The following DOCK6 variants were observed in gnomAD, a reference collection of about 807,000 sequenced individuals.
DOCK6 encodes the protein dedicator of cytokinesis protein 6.
A neutral mutation model predicts 230.3 loss-of-function variants in DOCK6; 167 were observed. That is an observed-to-expected ratio of 0.73 (90% CI 0.64 to 0.82). The LOEUF (loss-of-function observed/expected upper bound fraction) is 0.82. DOCK6 is among the 40% of genes least tolerant of loss of function. The probability of loss-of-function intolerance (pLI) is 0.00; values close to 1 mark genes in which losing one functional copy is unlikely to be tolerated. For synonymous variants in DOCK6, 1,148 were observed against 1,185.0 expected (o/e 0.97, Z 0.64); for missense variants, 2,598 against 2,825.8 (o/e 0.92, Z 1.83).
At position 11,217,080 on chromosome 19, in the gene DOCK6, C is replaced by G. The variant is rs1487647536; in HGVS notation, c.3728G>C (p.Cys1243Ser). ...QGPPTASRAG[C>S]ALSAESSRTL... ...CCGGCTTGACTCAGCAGAGAGGGCA[C>G]AGCCTGCGCGAGAAGCCTGGGGCCA... Residue 1243 changes from cysteine to serine, a missense_variant, in exon 30 of 48, where the codon TGT (cysteine) becomes TCT (serine). Transcript: ENST00000294618. 6.2e-7 allele frequency: 1 copy of G among 1,612,650 alleles called. No homozygotes were observed. Among genetic ancestry groups the G allele is most frequent in the Non-Finnish European group, 8.5e-7 (1 of 1,179,518 alleles).
At chr19:11,241,748 G>A (rs2079948756) in intron 14 of DOCK6, 1 of 1,554,396 alleles carries the variant, frequency 6.4e-7, no homozygotes. Flanking sequence ...CGCCCCGTGA[G>A]GCCCCTGTGC....
chr19:11,262,318 G>A (rs2147908630), intron 1 of DOCK6, 79 bp downstream of exon 1: 4 of 999,296 alleles, frequency 4.0e-6, no homozygotes, highest in East Asian at 3.7e-5. Context: ...GGGGGCGCCC[G>A]GGCGGGGAGG....
chr19:11,217,885 TC>T (rs2079519519), intron 28 of DOCK6, among the ~76,000 whole-genome samples: 1 of 152,020 alleles, frequency 6.6e-6, no homozygotes, highest in South Asian at 2.1e-4. Flanking sequence ...GGAGTCTTGC[TC>T]TGTTGCCCCG....
intron 1 of DOCK6, among the ~76,000 whole-genome samples, chr19:11,256,084 G>A (rs894853023): frequency 7.9e-5 from 12 of 152,124 alleles, no homozygotes; most frequent in African/African-American, 2.7e-4. Flanking sequence ...CACCTTGCCC[G>A]GCCCCATTTT....
At position 11,238,301 on chromosome 19, in the gene DOCK6, G is replaced by T. The variant is rs763035223; in HGVS notation, c.1647C>A (p.Asn549Lys). The T allele has an allele frequency of 5.0e-6, 8 of 1,604,544 alleles. No individual in the cohort carries two copies. The highest frequency in any genetic ancestry group is 6.8e-6 in the Non-Finnish European group (8 of 1,175,816). The change falls in exon 15 of 48, where the codon AAC becomes AAA. Residue 549 changes from asparagine to lysine, a missense_variant. Coordinates refer to ENST00000294618, the MANE Select transcript of DOCK6 (RefSeq NM_020812.4). ...GGCTGTGCGGGTACACGTACAGCAGGTTCCTGTGGGGGGCAGGATGGGGGT... is the reference window on the plus strand; with the variant it reads ...GGCTGTGCGGGTACACGTACAGCAGTTTCCTGTGGGGGGCAGGATGGGGGT... ...EVYAPHTSYR[N>K]LLYVYPHSLN... is the part of the protein sequence containing the mutation.
chr19:11,243,437 A>C lies in DOCK6; in HGVS notation c.1259-52T>G. The C allele has an allele frequency of 6.3e-7, 1 of 1,577,204 alleles. No homozygotes were observed. ...AGGGGGACCAAGATGAAACAGGGAG[A>C]CTCAGGGGCGGCACAGTTCGGCCAG... On this transcript the variant is annotated intron_variant, in intron 11 of 47. Coordinates refer to ENST00000294618, the MANE Select transcript of DOCK6 (RefSeq NM_020812.4). The surrounding 1 kb of genome is among the most constrained non-coding windows in gnomAD (Gnocchi z 6.3).
rs2079606905 is a variant in DOCK6 at position 11,223,054 on chromosome 19, T to G, written c.3008A>C (p.Asp1003Ala). ...LNASLAFFLS[D>A]LLSLVDRGFV... Reference sequence around the variant, plus strand: ...GCCCCGGTCCACCAGGGACAGAAGGTCACTGAGGAAGAAAGCCAGGCTGGC... The same window carrying G: ...GCCCCGGTCCACCAGGGACAGAAGGGCACTGAGGAAGAAAGCCAGGCTGGC... Residue 1003 changes from aspartate to alanine, a missense_variant, in exon 25 of 48, where the codon GAC becomes GCC. Asp to Ala is a moderately radical substitution (Grantham distance 126). Coordinates refer to ENST00000294618, the MANE Select transcript of DOCK6 (RefSeq NM_020812.4). 2 of 1,613,602 alleles carry G rather than the reference T, an allele frequency of 1.2e-6. No homozygotes were observed. Among genetic ancestry groups the G allele is most frequent in the Non-Finnish European group, 1.7e-6 (2 of 1,179,840 alleles).
At chr19:11,204,044 C>T in intron 41 of DOCK6, 37 bp downstream of exon 41, 1 of 1,549,232 alleles carries the variant, frequency 6.5e-7, no homozygotes, top group Non-Finnish European at 8.7e-7. Flanking sequence ...TCACGGGGGT[C>T]CCAGAGGCAG....
rs751395714 is a variant in DOCK6 at position 11,199,347 on chromosome 19, C to T, written c.*150G>A. The T allele has an allele frequency of 3.2e-5, 30 of 934,610 alleles. No homozygotes were observed. Among genetic ancestry groups the T allele is most frequent in the Middle Eastern group, 3.0e-4 (1 of 3,298 alleles). 57.9% of individuals were successfully genotyped at this position (934,610 alleles called of 1,614,324 possible). A position where few individuals can be genotyped will look rare whatever the true frequency, so the allele number is the denominator to read the frequency against. ...AAAAGGGAGGAAGCATCAGTGCACA[C>T]AGATGGGGACACAGGGGCAGAGGGC... is the stretch of plus-strand genomic sequence containing the variant. On this transcript the variant is annotated 3_prime_UTR_variant, in exon 48 of 48. Coordinates refer to ENST00000294618, the MANE Select transcript of DOCK6 (RefSeq NM_020812.4).
intron 30 of DOCK6, chr19:11,216,699 G>A (rs1159135505): frequency 2.3e-5 from 13 of 570,504 alleles, no homozygotes; most frequent in Non-Finnish European, 3.8e-5. Context: ...GTGAGCCACT[G>A]CACCCGGCCT....
intron 14 of DOCK6, chr19:11,239,945 T>C: frequency 1.3e-6 from 2 of 1,573,330 alleles, no homozygotes; most frequent in South Asian, 2.3e-5. Context: ...GTGGGCACCG[T>C]AGCTGCGACA....
At chr19:11,259,633 C>T (rs1012848131) in intron 1 of DOCK6, among the ~76,000 whole-genome samples, 23 of 138,748 alleles carry the variant, frequency 1.7e-4, no homozygotes, top group Admixed American at 7.9e-5. Context: ...TCTCGGCTCA[C>T]TGCAACCTCT....
chr19:11,201,860 C>T lies in DOCK6; in HGVS notation c.5688+29G>A. The stretch of plus-strand genomic sequence containing the variant: ...GGTCTGATGTCCCCTCACCTCCCCA[C>T]CCCCGCCAGGCCCAGGATCCCCACC... On this transcript the variant is annotated intron_variant, in intron 44 of 47. Coordinates refer to ENST00000294618, the MANE Select transcript of DOCK6 (RefSeq NM_020812.4). The surrounding 1 kb of genome is among the most constrained non-coding windows in gnomAD (Gnocchi z 4.3). 2.0e-6 allele frequency: 3 copies of T among 1,492,078 alleles called. No homozygotes were observed. Among genetic ancestry groups the T allele is most frequent in the Admixed American group, 2.0e-5 (1 of 50,532 alleles). 92.4% of individuals were successfully genotyped at this position (1,492,078 alleles called of 1,614,324 possible).
Position 11,243,385 on chromosome 19 carries a change from T to C in DOCK6, c.1259A>G (p.Glu420Gly), listed in dbSNP as rs2147852421. The change falls in exon 12 of 48, where the codon GAG becomes GGG. Residue 420 changes from glutamate (E) to glycine (G), a missense_variant and splice_region_variant. By Grantham distance (98) the Glu-to-Gly change is moderately conservative. Transcript: ENST00000294618. This position sits in a 1 kb window ranked among gnomAD's most constrained non-coding sequence, Gnocchi z 6.3. ...GCGGTCTGTCCAGGCTGGCCGGCGC[T>C]CTAGGGGAGGGAATGACAATGACAA... Reference protein sequence around the residue: ...QLDRDSDSEGERRPAWTDRRR... With the variant: ...QLDRDSDSEGGRRPAWTDRRR... The C allele has an allele frequency of 6.2e-7, 1 of 1,601,538 alleles. No individual in the cohort carries two copies. The highest frequency in any genetic ancestry group is 8.5e-7 in the Non-Finnish European group (1 of 1,174,672).
chr19:11,200,510 C>T lies in DOCK6; in HGVS notation c.5940-41G>A, dbSNP rs184747709. On this transcript the variant is annotated intron_variant, in intron 46 of 47. Coordinates refer to ENST00000294618, the MANE Select transcript of DOCK6 (RefSeq NM_020812.4). This position sits in a 1 kb window ranked among gnomAD's most constrained non-coding sequence, Gnocchi z 4.3. Reference sequence around the variant, plus strand: ...TGGGAGATGCTCAGAGACTCGCACACGGGACTGAAAGCAAGACTAGGGGTG... The same window carrying T: ...TGGGAGATGCTCAGAGACTCGCACATGGGACTGAAAGCAAGACTAGGGGTG... 1.0e-4 allele frequency: 166 copies of T among 1,594,338 alleles called. 2 individuals are homozygous for T. The African/African-American group carries it at 1.8e-3, about 18-fold the overall frequency.
Position 11,222,007 on chromosome 19 carries a change from G to A in DOCK6, c.3394C>T (p.His1132Tyr). 1 of 1,611,298 alleles carries A rather than the reference G, an allele frequency of 6.2e-7. No individual in the cohort carries two copies. Among genetic ancestry groups the A allele is most frequent in the Non-Finnish European group, 8.5e-7 (1 of 1,177,696 alleles). ...EPEAEGAFLL[H>Y]KKAISAVHSL... Reference sequence around the variant, plus strand: ...TGCACAGCACTGATGGCCTTCTTGTGCAACAGGAATGCCCTATGGGGTAAT... The same window carrying A: ...TGCACAGCACTGATGGCCTTCTTGTACAACAGGAATGCCCTATGGGGTAAT... The change falls in exon 28 of 48, where the codon CAC becomes TAC. Residue 1132 changes from histidine (H) to tyrosine (Y), a missense_variant. By Grantham distance (83) the His-to-Tyr change is moderately conservative. Transcript: ENST00000294618. The surrounding 1 kb of genome is among the most constrained non-coding windows in gnomAD (Gnocchi z 4.0).
chr19:11,201,878 T>C lies in DOCK6; in HGVS notation c.5688+11A>G. ...CTCCCCACCCCCGCCAGGCCCAGGA[T>C]CCCCACCCACCTCCTCCCGGTGGCA... On this transcript the variant is annotated intron_variant, in intron 44 of 47. Coordinates refer to ENST00000294618, the MANE Select transcript of DOCK6 (RefSeq NM_020812.4). This position sits in a 1 kb window ranked among gnomAD's most constrained non-coding sequence, Gnocchi z 4.3. 7.3e-7 allele frequency: 1 copy of C among 1,368,016 alleles called. No individual in the cohort carries two copies. The highest frequency in any genetic ancestry group is 1.6e-5 in the African/African-American group (1 of 63,872). 84.7% of individuals were successfully genotyped at this position (1,368,016 alleles called of 1,614,324 possible).
At chr19:11,215,162 C>T (rs1330822271) in intron 32 of DOCK6, among the ~76,000 whole-genome samples, 1 of 152,108 alleles carries the variant, frequency 6.6e-6, no homozygotes, top group Non-Finnish European at 1.5e-5. Context: ...CCAGGATGGT[C>T]TCGATCTCCT....
rs1333687010 is a variant in DOCK6, at chr19:11,243,679, G to T, written c.1136C>A (p.Ala379Glu). The T allele has an allele frequency of 1.2e-6, 2 of 1,613,278 alleles. No homozygotes were observed. Among genetic ancestry groups the T allele is most frequent in the East Asian group, 4.5e-5 (2 of 44,882 alleles). The change falls in exon 11 of 48, where the codon GCG (alanine) becomes GAG (glutamate). Residue 379 changes from alanine to glutamate, a missense_variant. Coordinates refer to ENST00000294618, the MANE Select transcript of DOCK6 (RefSeq NM_020812.4). This position sits in a 1 kb window ranked among gnomAD's most constrained non-coding sequence, Gnocchi z 6.3. ...NKEKLEKLRLAAEQFCTRLGR... is the reference protein window; with the variant it reads ...NKEKLEKLRLEAEQFCTRLGR... ...CAGGCGGGTGCAGAACTGCTCGGCC[G>T]CCAGGCGCAGCTTCTCTAGCTTCTC... is the stretch of plus-strand genomic sequence containing the variant.
Sources: gnomAD v4.1 joint callset for allele counts (sites outside exome capture counted in the v4.1 genomes callset) on GRCh38, gnomAD v4.1.1 for gene constraint, Gnocchi (gnomAD v3.1) non-coding constraint, MANE v1.5 for transcripts, NCBI Gene and HGNC (gene_info 2026-07-23, HGNC 2026-07-21) for gene names.